The following SMYD3 variants were observed in gnomAD, a reference collection of about 807,000 sequenced individuals.
The protein encoded by SMYD3 is SET and MYND domain containing 3.
Under a neutral mutation model 57.7 loss-of-function variants are expected in SMYD3, and 36 were observed. The observed-to-expected ratio is 0.62, with a 90% CI of 0.48 to 0.82. The LOEUF (loss-of-function observed/expected upper bound fraction) is 0.82. Ranked by LOEUF, SMYD3 falls within the 40% of genes least tolerant of loss-of-function variation. SMYD3 has a pLI of 0.00. For missense variants in SMYD3, 515 were observed against 538.8 expected (o/e 0.96, Z 0.44); for synonymous variants, 211 against 195.0 (o/e 1.08, Z -0.68).
At chr1:246,378,742 T>TATAA (rs2066326009) in intron 1 of SMYD3, among the ~76,000 whole-genome samples, 1 of 102,138 alleles carries the variant, frequency 9.8e-6, no homozygotes, top group Non-Finnish European at 1.8e-5. Flanking sequence ...TTATATATAA[T>TATAA]TATATATAAT....
intron 7 of SMYD3, among the ~76,000 whole-genome samples, chr1:245,922,344 A>G (rs191061497): frequency 1.2e-4 from 19 of 152,364 alleles, no homozygotes; most frequent in Middle Eastern, 3.4e-3. Context: ...AGGAGCATGT[A>G]TTAGAACAAA....
intron 11 of SMYD3, among the ~76,000 whole-genome samples, chr1:245,753,672 G>A (rs1033573521): frequency 6.6e-6 from 1 of 152,160 alleles, no homozygotes; most frequent in Non-Finnish European, 1.5e-5. Context: ...GCCCTGTGTG[G>A]CCCTGGGCAC....
At chr1:245,822,798 C>T (rs996731269) in intron 10 of SMYD3, among the ~76,000 whole-genome samples, 4 of 152,140 alleles carry the variant, frequency 2.6e-5, no homozygotes, top group South Asian at 2.1e-4. Context: ...CTCTTAACTC[C>T]GTGATCAAAA....
intron 5 of SMYD3, among the ~76,000 whole-genome samples, chr1:246,033,407 A>C (rs566221153): frequency 1.3e-5 from 2 of 152,250 alleles, no homozygotes; most frequent in Admixed American, 6.5e-5. Flanking sequence ...GGATGTAAGG[A>C]AAGTGAATGT....
intron 8 of SMYD3, among the ~76,000 whole-genome samples, chr1:245,869,182 AACATTCATTTT>A (rs2052038677): frequency 6.6e-6 from 1 of 152,208 alleles, no homozygotes; most frequent in Non-Finnish European, 1.5e-5. Flanking sequence ...AGGGGATGGA[AACATTCATTTT>A]ACATTCATTT....
intron 10 of SMYD3, among the ~76,000 whole-genome samples, chr1:245,794,129 C>A (rs752353860): frequency 1.3e-5 from 2 of 152,208 alleles, no homozygotes; most frequent in Non-Finnish European, 2.9e-5. Flanking sequence ...TCAGTCTCAA[C>A]ACAGGGAAAG....
chr1:246,038,839 T>C (rs913796183), intron 5 of SMYD3, among the ~76,000 whole-genome samples: 3 of 152,224 alleles, frequency 2.0e-5, no homozygotes, highest in African/African-American at 7.2e-5. Flanking sequence ...TTTTGCATTC[T>C]ATAAATTTAA....
intron 2 of SMYD3, among the ~76,000 whole-genome samples, chr1:246,343,524 G>A (rs2065663441): frequency 6.6e-6 from 1 of 152,156 alleles, no homozygotes; most frequent in African/African-American, 2.4e-5. Context: ...GAGAGGGAAG[G>A]TCAGCCTGCC....
rs2046855003 is a variant in SMYD3, at chr1:245,782,144, A to G, written c.1077-17995T>C. Among the ~76,000 whole-genome samples the G allele has an allele frequency of 3.3e-5, 5 of 152,228 alleles. No individual in the cohort carries two copies. The South Asian group carries it at 1.0e-3, about 32-fold the overall frequency. ...ACCAAATATGTATCACTCCTTCTAC[A>G]TTGTGGAAGGGTATATGCATTTCCT... On this transcript the variant is annotated intron_variant, in intron 10 of 11. Coordinates refer to ENST00000490107, the MANE Select transcript of SMYD3 (RefSeq NM_001167740.2).
intron 5 of SMYD3, among the ~76,000 whole-genome samples, chr1:246,292,955 A>C (rs73142858): frequency 6.6e-6 from 1 of 152,132 alleles, no homozygotes; most frequent in Non-Finnish European, 1.5e-5. Context: ...GTTGGGAAAA[A>C]TTGCTGATGA....
At chr1:246,411,331 G>T (rs1039835479) in intron 1 of SMYD3, among the ~76,000 whole-genome samples, 4 of 152,202 alleles carry the variant, frequency 2.6e-5, no homozygotes, top group Admixed American at 6.5e-5. Flanking sequence ...AACAACAGGT[G>T]CTGGAGAGGA....
chr1:245,873,792 C>A (rs955340410), intron 8 of SMYD3, among the ~76,000 whole-genome samples: 3 of 152,234 alleles, frequency 2.0e-5, no homozygotes, highest in Non-Finnish European at 2.9e-5. Flanking sequence ...GATTTGGGTT[C>A]TGTGCTGTTG....
chr1:246,369,910 A>G (rs74539843), intron 1 of SMYD3, among the ~76,000 whole-genome samples: 1 of 152,196 alleles, frequency 6.6e-6, no homozygotes, highest in Non-Finnish European at 1.5e-5. Context: ...CAAAAAAAAA[A>G]ATGTAATGGT....
intron 5 of SMYD3, among the ~76,000 whole-genome samples, chr1:246,070,256 T>C (rs1160695506): frequency 2.0e-5 from 3 of 152,204 alleles, no homozygotes; most frequent in South Asian, 2.1e-4. Context: ...ACATTCATCT[T>C]ACTTTTATGG....
intron 11 of SMYD3, among the ~76,000 whole-genome samples, chr1:245,751,905 C>T (rs1019601246): frequency 6.6e-5 from 10 of 152,226 alleles, no homozygotes; most frequent in Non-Finnish European, 1.5e-4. Flanking sequence ...GACCAGCCCC[C>T]ACCTTGCAAG....
intron 5 of SMYD3, among the ~76,000 whole-genome samples, chr1:246,108,155 T>C (rs1355380634): frequency 6.6e-6 from 1 of 152,210 alleles, no homozygotes; most frequent in East Asian, 1.9e-4. Flanking sequence ...AATTCTTAAG[T>C]AGATGGCTGA....
intron 5 of SMYD3, among the ~76,000 whole-genome samples, chr1:246,020,722 G>A (rs10924449): frequency 2.2e-4 from 34 of 152,036 alleles, no homozygotes; most frequent in Non-Finnish European, 1.8e-4. Flanking sequence ...ATAATCAGTC[G>A]CATTTTATAG....
At chr1:245,874,198 A>G (rs184253496) in intron 8 of SMYD3, among the ~76,000 whole-genome samples, 2 of 152,340 alleles carry the variant, frequency 1.3e-5, no homozygotes, top group Admixed American at 1.3e-4. Context: ...AACACTCAAC[A>G]TGGTACTACC....
intron 3 of SMYD3, among the ~76,000 whole-genome samples, chr1:246,334,918 A>G (rs2065516863): frequency 6.6e-6 from 1 of 152,184 alleles, no homozygotes; most frequent in South Asian, 2.1e-4. Context: ...CATATGTTAC[A>G]GTGAAATCAT....
Sources: gnomAD v4.1 joint callset for allele counts (sites outside exome capture counted in the v4.1 genomes callset) on GRCh38, gnomAD v4.1.1 for gene constraint, MANE v1.5 for transcripts, NCBI Gene and HGNC (gene_info 2026-07-23, HGNC 2026-07-21) for gene names.